The following ARFGAP3 variants were observed in gnomAD, a reference collection of about 807,000 sequenced individuals.
The protein encoded by ARFGAP3 is ADP-ribosylation factor GTPase-activating protein 3.
ARFGAP3 carries 72 observed loss-of-function variants against 75.0 expected under a neutral mutation model. The observed-to-expected ratio is 0.96, with a 90% CI of 0.79 to 1.17. The LOEUF (loss-of-function observed/expected upper bound fraction) is 1.17, where lower values mean the gene tolerates loss of function less well. Ranked by LOEUF, ARFGAP3 falls within the 50% of genes most tolerant of loss-of-function variation. The probability of loss-of-function intolerance (pLI) is 0.00; values close to 1 mark genes in which losing one functional copy is unlikely to be tolerated. For missense variants in ARFGAP3, 620 were observed against 626.6 expected (o/e 0.99, Z 0.11); for synonymous variants, 221 against 217.9 (o/e 1.01, Z -0.13).
In ARFGAP3 at chr22:42,807,820, C is replaced by CA. The variant is rs142812491; in HGVS notation, c.1321-658dup. ...TTCTTTCTTTTTTTTTTTTTTGAGA[C>CA]AGAGTCTCACTCTGCTTCTGGGTTC... On this transcript the variant is annotated intron_variant, in intron 13 of 15. Transcript: ENST00000263245. Among the ~76,000 whole-genome samples the CA allele has an allele frequency of 5.1e-3, 753 of 148,670 alleles. 1 individual carries two copies. Among genetic ancestry groups the CA allele is most frequent in the African/African-American group, 0.016 (659 of 40,380 alleles).
intron 13 of ARFGAP3, among the ~76,000 whole-genome samples, chr22:42,807,617 G>A (rs969605173): frequency 3.3e-5 from 5 of 152,140 alleles, no homozygotes; most frequent in Admixed American, 2.0e-4. Context: ...ATGGCGAAAT[G>A]TTACACTTGC....
chr22:42,811,058 T>A (rs1925349153), intron 11 of ARFGAP3, 114 bp from the exon 12 acceptor site: 1 of 1,471,278 alleles, frequency 6.8e-7, no homozygotes, highest in Admixed American at 2.5e-5. Flanking sequence ...GGCAGTCACA[T>A]AACTAGGTCT....
chr22:42,823,665 A>T lies in ARFGAP3; in HGVS notation c.663T>A (p.Ala221=), dbSNP rs757690571. ...SSIIKKKPNQ[A]KKGLGAKKGS... is the part of the protein sequence containing the mutation. The stretch of plus-strand genomic sequence containing the variant: ...AGTACATAATACTCACGCCTTTTTT[A>T]GCTTGATTTGGTTTCTTTTTTATGA... Residue 221 remains alanine (A), a synonymous_variant, in exon 8 of 16, where the codon GCT becomes GCA. Coordinates refer to ENST00000263245, the MANE Select transcript of ARFGAP3 (RefSeq NM_014570.5). 5.7e-6 allele frequency: 9 copies of T among 1,572,052 alleles called. No individual in the cohort carries two copies. The South Asian group carries it at 1.1e-4, about 19-fold the overall frequency.
intron 6 of ARFGAP3, 142 bp from the exon 7 acceptor site, chr22:42,827,141 T>A (rs956533783): frequency 2.3e-6 from 3 of 1,309,854 alleles, no homozygotes; most frequent in Non-Finnish European, 3.0e-6. Context: ...GTATATTCTA[T>A]TTTAACGTTA....
At chr22:42,829,755 A>G (rs1926203092) in intron 6 of ARFGAP3, among the ~76,000 whole-genome samples, 1 of 152,228 alleles carries the variant, frequency 6.6e-6, no homozygotes, top group Non-Finnish European at 1.5e-5. Context: ...TGAGATTTGA[A>G]TATGCCTAGA....
intron 5 of ARFGAP3, 43 bp from the exon 6 acceptor site, chr22:42,831,679 A>G (rs777925128): frequency 6.2e-7 from 1 of 1,612,216 alleles, no homozygotes; most frequent in African/African-American, 1.3e-5. Flanking sequence ...AAAGCAAGAA[A>G]ACAGCCATAA....
intron 9 of ARFGAP3, among the ~76,000 whole-genome samples, chr22:42,820,529 T>A (rs1030251267): frequency 2.0e-5 from 3 of 152,248 alleles, no homozygotes; most frequent in African/African-American, 7.2e-5. Flanking sequence ...CAGGTACTGT[T>A]TGATGCACTT....
chr22:42,826,851 G>A, intron 7 of ARFGAP3, 89 bp downstream of exon 7: 3 of 1,084,924 alleles, frequency 2.8e-6, no homozygotes, highest in South Asian at 3.0e-5. Context: ...TCCGTCAGGT[G>A]AGATGCCCAG....
chr22:42,845,127 T>C (rs1926956273), intron 2 of ARFGAP3, among the ~76,000 whole-genome samples: 1 of 152,152 alleles, frequency 6.6e-6, no homozygotes, highest in African/African-American at 2.4e-5. Flanking sequence ...AAGAACACAG[T>C]AAAGACAGAA....
At chr22:42,833,262 G>A (rs1256643268) in intron 5 of ARFGAP3, among the ~76,000 whole-genome samples, 1 of 152,150 alleles carries the variant, frequency 6.6e-6, no homozygotes, top group Non-Finnish European at 1.5e-5. Flanking sequence ...CAGCAAAACT[G>A]GGGCACTGAG....
chr22:42,833,649 G>A (rs898864197), intron 5 of ARFGAP3, among the ~76,000 whole-genome samples: 3 of 152,110 alleles, frequency 2.0e-5, no homozygotes, highest in Non-Finnish European at 2.9e-5. Context: ...CCAGCTACTC[G>A]GGAGGCTGAG....
At chr22:42,811,714 TTTAA>T (rs1349816360) in intron 11 of ARFGAP3, among the ~76,000 whole-genome samples, 1 of 152,218 alleles carries the variant, frequency 6.6e-6, no homozygotes, top group Non-Finnish European at 1.5e-5. Context: ...CAGTTTACAC[TTTAA>T]TTAGCCAATT....
chr22:42,831,789 C>A, intron 5 of ARFGAP3, 153 bp from the exon 6 acceptor site: 3 of 1,212,974 alleles, frequency 2.5e-6, no homozygotes, highest in Non-Finnish European at 3.2e-6. Context: ...TTCTTGCTTT[C>A]TTTTTTTTTT....
rs1032879990 is a variant in ARFGAP3 at position 42,808,641 on chromosome 22, C to A, written c.1320+126G>T. ...CTGGGTTCAAGTCCTGACTCCAGCA[C>A]TTTCAGGCCAGAGGGCATCTGGCAG... On this transcript the variant is annotated intron_variant, in intron 13 of 15. Coordinates refer to ENST00000263245, the MANE Select transcript of ARFGAP3 (RefSeq NM_014570.5). 1.1e-5 allele frequency: 8 copies of A among 720,778 alleles called. No individual in the cohort carries two copies. The Admixed American group carries it at 1.5e-4, about 14-fold the overall frequency. 44.6% of individuals were successfully genotyped at this position (720,778 alleles called of 1,614,324 possible). A position where few individuals can be genotyped will look rare whatever the true frequency, so the allele number is the denominator to read the frequency against.
chr22:42,833,913 C>T (rs1389967585), intron 5 of ARFGAP3, among the ~76,000 whole-genome samples: 1 of 152,104 alleles, frequency 6.6e-6, no homozygotes, highest in Non-Finnish European at 1.5e-5. Flanking sequence ...CAGATTCAGT[C>T]CCCCCAAAAA....
In ARFGAP3 at chr22:42,845,467, G is replaced by A. The variant is rs529366092; in HGVS notation, c.188+2047C>T. Reference sequence around the variant, plus strand: ...TTTGAATCTGGGAGGCGGAAGTTGAGGTGAGCCAAGATCGTGCCACTGCAC... The same window carrying A: ...TTTGAATCTGGGAGGCGGAAGTTGAAGTGAGCCAAGATCGTGCCACTGCAC... On this transcript the variant is annotated intron_variant, in intron 2 of 15. Coordinates refer to ENST00000263245, the MANE Select transcript of ARFGAP3 (RefSeq NM_014570.5). Among the ~76,000 whole-genome samples the A allele has an allele frequency of 4.0e-5, 6 of 150,476 alleles. No homozygotes were observed. In the East Asian group the frequency reaches 5.8e-4, roughly 15 times the overall value.
chr22:42,838,494 A>C (rs971438811), intron 3 of ARFGAP3, among the ~76,000 whole-genome samples: 1 of 151,430 alleles, frequency 6.6e-6, no homozygotes, highest in Non-Finnish European at 1.5e-5. Flanking sequence ...ATGAGGTCTC[A>C]CTATGTTGCC....
chr22:42,800,749 A>G (rs928529839), intron 14 of ARFGAP3, among the ~76,000 whole-genome samples: 4 of 152,176 alleles, frequency 2.6e-5, no homozygotes, highest in Admixed American at 6.5e-5. Flanking sequence ...CAACACAGTG[A>G]TGGGACTGGG....
chr22:42,815,260 A>C (rs1470547736), intron 11 of ARFGAP3, among the ~76,000 whole-genome samples: 1 of 152,196 alleles, frequency 6.6e-6, no homozygotes, highest in Non-Finnish European at 1.5e-5. Context: ...CTCTGTGTAA[A>C]ATCTATTTAC....
Sources: gnomAD v4.1 joint callset for allele counts (sites outside exome capture counted in the v4.1 genomes callset) on GRCh38, gnomAD v4.1.1 for gene constraint, MANE v1.5 for transcripts, NCBI Gene and HGNC (gene_info 2026-07-23, HGNC 2026-07-21) for gene names.